The following METTL15 variants were observed in gnomAD, a reference collection of about 807,000 sequenced individuals.
METTL15 encodes the protein methyltransferase 15, mitochondrial 12S rRNA N4-cytidine, also known as 12S rRNA N(4)-cytidine methyltransferase METTL15.
A neutral mutation model predicts 38.3 loss-of-function variants in METTL15; 34 were observed. The ratio of observed to expected loss-of-function variants is 0.89; its 90% CI spans 0.68 to 1.18. The LOEUF (loss-of-function observed/expected upper bound fraction) is 1.18. METTL15 is among the 50% of genes most tolerant of loss of function. The pLI is 0.00. For missense variants in METTL15, 438 were observed against 498.4 expected (o/e 0.88, Z 1.15); for synonymous variants, 162 against 170.9 (o/e 0.95, Z 0.41).
intron 6 of METTL15, among the ~76,000 whole-genome samples, chr11:28,512,021 C>T (rs1426026436): frequency 6.6e-6 from 1 of 151,940 alleles, no homozygotes; most frequent in African/African-American, 2.4e-5. Flanking sequence ...TACAGAGTGT[C>T]GATTGGTGCA....
chr11:28,460,061 T>A (rs1431965869), intron 6 of METTL15, among the ~76,000 whole-genome samples: 2 of 152,066 alleles, frequency 1.3e-5, no homozygotes, highest in East Asian at 3.8e-4. Flanking sequence ...TAAGCCAGGT[T>A]TAAATAAACA....
chr11:28,453,415 T>G (rs1053717613), intron 6 of METTL15, among the ~76,000 whole-genome samples: 4 of 152,210 alleles, frequency 2.6e-5, no homozygotes, highest in Non-Finnish European at 5.9e-5. Context: ...TTCTTAACCT[T>G]CTATCAGTCT....
intron 6 of METTL15, among the ~76,000 whole-genome samples, chr11:28,509,397 T>C (rs10835351): frequency 0.45 from 68,476 of 151,778 alleles, 16,017 homozygotes; most frequent in Admixed American, 0.54. Context: ...TGAGTGAGGT[T>C]TTTCTAACTT....
intron 3 of METTL15, among the ~76,000 whole-genome samples, chr11:28,347,252 G>A (rs1011481462): frequency 6.6e-6 from 1 of 152,196 alleles, no homozygotes; most frequent in Non-Finnish European, 1.5e-5. Context: ...CTACCAAGGG[G>A]TAGTTCCTAC....
intron 2 of METTL15, among the ~76,000 whole-genome samples, chr11:28,111,983 A>T (rs576312437): frequency 6.6e-6 from 1 of 152,124 alleles, no homozygotes; most frequent in Non-Finnish European, 1.5e-5. Context: ...CATTTTTTCA[A>T]TGTCACATTT....
intron 3 of METTL15, among the ~76,000 whole-genome samples, chr11:28,174,533 G>A (rs1482928585): frequency 6.6e-6 from 1 of 151,866 alleles, no homozygotes; most frequent in Non-Finnish European, 1.5e-5. Context: ...CTCTATTTTG[G>A]GTCAGGCACA....
intron 6 of METTL15, among the ~76,000 whole-genome samples, chr11:28,330,159 T>G (rs772481231): frequency 5.9e-5 from 9 of 152,214 alleles, no homozygotes; most frequent in Non-Finnish European, 8.8e-5. Context: ...CTTTCTGTGC[T>G]CCTTGTTAAA....
chr11:28,113,552 T>G lies in METTL15; in HGVS notation c.218T>G (p.Ile73Ser), dbSNP rs755642166. The G allele has an allele frequency of 4.3e-6, 7 of 1,613,636 alleles. No individual in the cohort carries two copies. Among genetic ancestry groups the G allele is most frequent in the Middle Eastern group, 1.7e-4 (1 of 6,050 alleles). ...RDFETMAKLH[I>S]PVMVDEVVHC... ...TTTGAAACTATGGCTAAATTACATA[T>G]TCCAGTAATGGTGGATGAAGTTGTT... The change falls in exon 3 of 7, where the codon ATT becomes AGT. Residue 73 changes from isoleucine to serine, a missense_variant. Ile to Ser is a moderately radical substitution (Grantham distance 142). Coordinates refer to ENST00000407364, the MANE Select transcript of METTL15 (RefSeq NM_001113528.2).
chr11:28,307,006 ACT>A (rs1215833005), intron 6 of METTL15, among the ~76,000 whole-genome samples: 3 of 151,844 alleles, frequency 2.0e-5, no homozygotes, highest in Non-Finnish European at 2.9e-5. Context: ...ATTTCTTATA[ACT>A]CTTCAGTTTT....
At chr11:28,123,312 C>T (rs1850706679) in intron 3 of METTL15, among the ~76,000 whole-genome samples, 1 of 152,028 alleles carries the variant, frequency 6.6e-6, no homozygotes, top group African/African-American at 2.4e-5. Context: ...CCCTAAGTTG[C>T]ATGTTGTTTT....
At chr11:28,210,959 T>C in intron 3 of METTL15, 103 bp from the exon 4 acceptor site, 1 of 1,210,116 alleles carries the variant, frequency 8.3e-7, no homozygotes, top group Non-Finnish European at 1.1e-6. Context: ...TCCTATTTAC[T>C]GTCAAGTCTG....
chr11:28,293,956 G>A (rs1856628353), intron 5 of METTL15, among the ~76,000 whole-genome samples: 2 of 152,118 alleles, frequency 1.3e-5, no homozygotes, highest in Non-Finnish European at 2.9e-5. Context: ...GAGATTTTGG[G>A]CTGAGACGAT....
intron 3 of METTL15, among the ~76,000 whole-genome samples, chr11:28,147,248 A>T (rs2089513768): frequency 6.6e-6 from 1 of 151,874 alleles, no homozygotes; most frequent in African/African-American, 2.4e-5. Context: ...TCTGTATAAT[A>T]AACACCTAAT....
At chr11:28,357,956 A>T (rs1850104101) in intron 4 of METTL15, among the ~76,000 whole-genome samples, 1 of 152,104 alleles carries the variant, frequency 6.6e-6, no homozygotes, top group African/African-American at 2.4e-5. Flanking sequence ...ATCTAGTGTT[A>T]CACTCATGCA....
intron 5 of METTL15, among the ~76,000 whole-genome samples, chr11:28,291,596 G>T (rs1243888245): frequency 6.6e-6 from 1 of 152,086 alleles, no homozygotes; most frequent in African/African-American, 2.4e-5. Flanking sequence ...GGACTCTGTT[G>T]TTCCTAAGTG....
chr11:28,286,654 A>G (rs1856274720), intron 4 of METTL15, among the ~76,000 whole-genome samples: 2 of 152,110 alleles, frequency 1.3e-5, no homozygotes, highest in Admixed American at 6.6e-5. Context: ...GTGAGTTCCT[A>G]TTACTGAGAA....
chr11:28,361,727 A>G (rs535578900), intron 4 of METTL15, among the ~76,000 whole-genome samples: 4 of 152,252 alleles, frequency 2.6e-5, no homozygotes, highest in East Asian at 1.9e-4. Context: ...AATACTTAAT[A>G]TCGGTAAAAA....
At chr11:28,488,065 G>A (rs998732033) in intron 6 of METTL15, among the ~76,000 whole-genome samples, 3 of 152,108 alleles carry the variant, frequency 2.0e-5, no homozygotes, top group Non-Finnish European at 4.4e-5. Context: ...TTGACTAGTA[G>A]TTCCATAATT....
chr11:28,379,651 T>G (rs1213006553), intron 5 of METTL15, among the ~76,000 whole-genome samples: 1 of 152,172 alleles, frequency 6.6e-6, no homozygotes, highest in African/African-American at 2.4e-5. Flanking sequence ...TGGAGAATGT[T>G]TCATGTACTG....
Sources: allele counts gnomAD v4.1 joint callset (sites outside exome capture counted in the v4.1 genomes callset), GRCh38; gene constraint gnomAD v4.1.1; transcripts MANE v1.5; gene names NCBI Gene and HGNC (gene_info 2026-07-23, HGNC 2026-07-21).